HIP1: variants seen among roughly 807,000 people sequenced by gnomAD.
HIP1 encodes huntingtin-interacting protein 1.
Under a neutral mutation model 147.6 loss-of-function variants are expected in HIP1, and 65 were observed. The ratio of observed to expected loss-of-function variants is 0.44; its 90% CI spans 0.36 to 0.54. The LOEUF (loss-of-function observed/expected upper bound fraction) is 0.54, where lower values mean the gene tolerates loss of function less well. Ranked by LOEUF, HIP1 falls within the 20% of genes least tolerant of loss-of-function variation. The pLI is 0.00. For synonymous variants in HIP1, 479 were observed against 504.0 expected, an observed-to-expected ratio of 0.95 and a Z score of 0.67; for missense variants, 1,061 against 1,299.6, an observed-to-expected ratio of 0.82 and a Z score of 2.82.
chr7:75,664,000 A>T (rs1464872907), intron 1 of HIP1, among the ~76,000 whole-genome samples: 1 of 27,804 alleles, frequency 3.6e-5, no homozygotes, highest in East Asian at 8.3e-4. Context: ...ATATACACAT[A>T]TATGTGTATA....
chr7:75,624,673 G>T (rs1797972547), intron 1 of HIP1, among the ~76,000 whole-genome samples: 1 of 152,162 alleles, frequency 6.6e-6, no homozygotes, highest in Non-Finnish European at 1.5e-5. Context: ...CTCAAGGCCT[G>T]GAGATCCGGC....
At chr7:75,544,576 T>C in intron 27 of HIP1, 119 bp downstream of exon 27, 2 of 707,138 alleles carry the variant, frequency 2.8e-6, no homozygotes, top group Non-Finnish European at 5.2e-6. Flanking sequence ...CCATCTAACC[T>C]GGCCAAGTAC....
At chr7:75,611,811 C>T (rs1797447688) in intron 1 of HIP1, 6 of 1,032,902 alleles carry the variant, frequency 5.8e-6, no homozygotes, top group African/African-American at 1.7e-5. Flanking sequence ...AGCAGGCCCT[C>T]GTGTCCCCGG....
At chr7:75,735,300 A>C (rs1235136688) in intron 1 of HIP1, among the ~76,000 whole-genome samples, 1 of 152,174 alleles carries the variant, frequency 6.6e-6, no homozygotes, top group African/African-American at 2.4e-5. Flanking sequence ...AAAGGTTGAG[A>C]CCGTTTCCAG....
At position 75,618,917 on chromosome 7, in the gene HIP1, A is replaced by G. The variant is rs145258968; in HGVS notation, c.121-19670T>C. On this transcript the variant is annotated intron_variant, in intron 1 of 30. Transcript: ENST00000336926. ...CACTATGCTGCCCAGGCTGGTCTCA[A>G]CCTCCTGGGCTCCAGTGAGCCTCCC... Among the ~76,000 whole-genome samples the G allele has an allele frequency of 4.4e-3, 672 of 151,884 alleles. 3 individuals are homozygous for G. The highest frequency in any genetic ancestry group is 0.016 in the African/African-American group (655 of 41,422).
Position 75,586,791 on chromosome 7 carries a change from G to A in HIP1, c.427C>T (p.Leu143=), listed in dbSNP as rs782238519. Residue 143 remains leucine, a synonymous_variant, in exon 5 of 31, where the codon CTG becomes TTG. Transcript: ENST00000336926. ...TCCATCTTGGTTCTTAGCAGTTTCA[G>A]GTAGATGCTGCACAGCTGGCCATAC... ...EGYGQLCSIY[L]KLLRTKMEYH... The A allele has an allele frequency of 1.9e-6, 3 of 1,613,690 alleles. No homozygotes were observed. Among genetic ancestry groups the A allele is most frequent in the Admixed American group, 3.3e-5 (2 of 59,984 alleles).
intron 1 of HIP1, among the ~76,000 whole-genome samples, chr7:75,688,583 G>A (rs564488551): frequency 2.6e-5 from 4 of 152,086 alleles, no homozygotes; most frequent in African/African-American, 4.8e-5. Context: ...GGCCCCCCAC[G>A]CACACCCTCC....
intron 1 of HIP1, among the ~76,000 whole-genome samples, chr7:75,674,931 C>T (rs926176765): frequency 3.2e-4 from 26 of 82,012 alleles, no homozygotes; most frequent in African/African-American, 1.3e-3. Flanking sequence ...TGAATTTATC[C>T]TACTTGGAGT....
chr7:75,548,764 A>G, intron 23 of HIP1, 127 bp downstream of exon 23: 1 of 745,862 alleles, frequency 1.3e-6, no homozygotes, highest in South Asian at 1.6e-5. Flanking sequence ...GTGCCTGGCA[A>G]ATTCTGGTTT....
chr7:75,738,749 C>T, intron 1 of HIP1, 52 bp downstream of exon 1: 1 of 1,574,448 alleles, frequency 6.4e-7, no homozygotes, highest in Non-Finnish European at 8.6e-7. Flanking sequence ...CCCTCCCGGA[C>T]ACCGCGTCCC....
intron 1 of HIP1, among the ~76,000 whole-genome samples, chr7:75,614,823 G>A (rs1554505658): frequency 1.3e-5 from 2 of 151,962 alleles, no homozygotes; most frequent in Non-Finnish European, 2.9e-5. Flanking sequence ...ACCCAGGCTG[G>A]AGTGCAGTGG....
rs60972195 is a variant in HIP1 at position 75,647,211 on chromosome 7, C to CAAAAAAAAAAAAAAAAAA, written c.121-47982_121-47965dup. Among the ~76,000 whole-genome samples the CAAAAAAAAAAAAAAAAAA allele has an allele frequency of 1.7e-4, 10 of 57,998 alleles. 2 individuals carry two copies. Among genetic ancestry groups the CAAAAAAAAAAAAAAAAAA allele is most frequent in the East Asian group, 6.5e-4 (1 of 1,538 alleles). The allele number at this position is 57,998 out of a possible 152,430, so 38.0% of individuals were successfully genotyped here. A position where few individuals can be genotyped will look rare whatever the true frequency, so the allele number is the denominator to read the frequency against. ...CGAAACCCCATCTCTACTAAAAATA[C>CAAAAAAAAAAAAAAAAAA]AAAAAAAAAAAAAAAAAAAAAAAAA... On this transcript the variant is annotated intron_variant, in intron 1 of 30. Transcript: ENST00000336926.
intron 17 of HIP1, 53 bp downstream of exon 17, chr7:75,556,657 A>G: frequency 8.4e-7 from 1 of 1,186,252 alleles, no homozygotes; most frequent in Non-Finnish European, 1.3e-6. Context: ...CTGCATTCCA[A>G]CCTGAGTGAC....
chr7:75,595,045 T>A (rs1796636812), intron 2 of HIP1, among the ~76,000 whole-genome samples: 1 of 152,100 alleles, frequency 6.6e-6, no homozygotes, highest in African/African-American at 2.4e-5. Context: ...ACTAAATGAC[T>A]CACCCAGAGC....
intron 1 of HIP1, among the ~76,000 whole-genome samples, chr7:75,637,772 C>A (rs949896027): frequency 1.3e-5 from 2 of 151,772 alleles, no homozygotes; most frequent in Admixed American, 6.6e-5. Context: ...CTGATGCAGG[C>A]CATAGAATAG....
chr7:75,546,410 C>A (rs782454195), intron 25 of HIP1, among the ~76,000 whole-genome samples: 1 of 152,170 alleles, frequency 6.6e-6, no homozygotes, highest in Non-Finnish European at 1.5e-5. Context: ...TTAACCCCTC[C>A]CCTGGACTTA....
chr7:75,614,774 A>AT (rs35595200), intron 1 of HIP1, among the ~76,000 whole-genome samples: 3,140 of 151,388 alleles, frequency 0.021, 108 homozygotes, highest in African/African-American at 0.072. Context: ...TGAGAAACTG[A>AT]TTTTTTTTTC....
chr7:75,553,836 T>C (rs1410532092), intron 21 of HIP1, among the ~76,000 whole-genome samples: 3 of 152,242 alleles, frequency 2.0e-5, no homozygotes, highest in Non-Finnish European at 4.4e-5. Flanking sequence ...ACTCCTGACC[T>C]CAGGTGATCT....
intron 1 of HIP1, among the ~76,000 whole-genome samples, chr7:75,641,175 G>T (rs1462943281): frequency 6.6e-6 from 1 of 151,864 alleles, no homozygotes; most frequent in Admixed American, 6.6e-5. Context: ...TCATGATGGC[G>T]CACACCTGCA....
Sources: gnomAD v4.1 joint callset for allele counts (sites outside exome capture counted in the v4.1 genomes callset) on GRCh38, gnomAD v4.1.1 for gene constraint, MANE v1.5 for transcripts, NCBI Gene and HGNC (gene_info 2026-07-23, HGNC 2026-07-21) for gene names.